The following ADAMTS12 variants were observed in gnomAD, a reference collection of about 807,000 sequenced individuals.
ADAMTS12 encodes A disintegrin and metalloproteinase with thrombospondin motifs 12.
ADAMTS12 carries 118 observed loss-of-function variants against 167.8 expected under a neutral mutation model. The observed-to-expected ratio is 0.70, with a 90% CI of 0.61 to 0.82. The LOEUF (loss-of-function observed/expected upper bound fraction) is 0.82. ADAMTS12 is among the 40% of genes least tolerant of loss of function. The probability of loss-of-function intolerance (pLI) is 0.00; values close to 1 mark genes in which losing one functional copy is unlikely to be tolerated. For missense variants in ADAMTS12, 1,916 were observed against 1,998.8 expected (o/e 0.96, Z 0.79); for synonymous variants, 704 against 716.9 (o/e 0.98, Z 0.29).
chr5:33,626,058 A>G (rs1440811607), intron 13 of ADAMTS12, among the ~76,000 whole-genome samples: 1 of 152,170 alleles, frequency 6.6e-6, no homozygotes, highest in Non-Finnish European at 1.5e-5. Flanking sequence ...CCCTTTTCTG[A>G]TGTGACTCTG....
intron 20 of ADAMTS12, among the ~76,000 whole-genome samples, chr5:33,553,924 C>T (rs1430657745): frequency 1.3e-5 from 2 of 152,182 alleles, no homozygotes; most frequent in African/African-American, 4.8e-5. Flanking sequence ...CATGGGTCTG[C>T]CTGTCCTTCT....
chr5:33,615,343 T>C (rs1483761349), intron 15 of ADAMTS12, among the ~76,000 whole-genome samples: 1 of 152,224 alleles, frequency 6.6e-6, no homozygotes, highest in African/African-American at 2.4e-5. Context: ...GGTATATTCA[T>C]TCCACTCCTT....
At chr5:33,837,139 C>T (rs1021035977) in intron 2 of ADAMTS12, among the ~76,000 whole-genome samples, 7 of 152,066 alleles carry the variant, frequency 4.6e-5, no homozygotes, top group African/African-American at 1.5e-4. Flanking sequence ...GTCCCTCTGG[C>T]TGTCCTGTGT....
intron 11 of ADAMTS12, among the ~76,000 whole-genome samples, chr5:33,640,451 T>G (rs1334135254): frequency 6.6e-6 from 1 of 152,164 alleles, no homozygotes; most frequent in African/African-American, 2.4e-5. Flanking sequence ...GCATTGACAA[T>G]AAGTCCCAGA....
At chr5:33,841,660 C>G (rs1197167774) in intron 2 of ADAMTS12, among the ~76,000 whole-genome samples, 2 of 152,188 alleles carry the variant, frequency 1.3e-5, no homozygotes, top group East Asian at 1.9e-4. Context: ...CTTGCAACCT[C>G]TGGCATAAAT....
At chr5:33,763,848 T>C (rs1474013711) in intron 2 of ADAMTS12, among the ~76,000 whole-genome samples, 1 of 152,242 alleles carries the variant, frequency 6.6e-6, no homozygotes, top group African/African-American at 2.4e-5. Flanking sequence ...ATGGAGAGCT[T>C]GGGCTTTACA....
chr5:33,648,431 A>T (rs764690215), intron 9 of ADAMTS12, among the ~76,000 whole-genome samples: 2 of 152,218 alleles, frequency 1.3e-5, no homozygotes, highest in Non-Finnish European at 2.9e-5. Flanking sequence ...AAGAAGAATG[A>T]ATTGGTGAAT....
At chr5:33,758,772 C>T (rs1213259958) in intron 2 of ADAMTS12, among the ~76,000 whole-genome samples, 1 of 152,108 alleles carries the variant, frequency 6.6e-6, no homozygotes, top group Non-Finnish European at 1.5e-5. Context: ...GGACACACTC[C>T]AACATACCCA....
At chr5:33,536,028 A>T (rs1353327236) in intron 22 of ADAMTS12, among the ~76,000 whole-genome samples, 1 of 152,226 alleles carries the variant, frequency 6.6e-6, no homozygotes, top group Non-Finnish European at 1.5e-5. Flanking sequence ...CTGGGAAAGC[A>T]GTTTACATAA....
intron 2 of ADAMTS12, among the ~76,000 whole-genome samples, chr5:33,871,476 T>C (rs1750035759): frequency 1.3e-5 from 2 of 152,084 alleles, no homozygotes; most frequent in African/African-American, 2.4e-5. Flanking sequence ...GCAAATAGTA[T>C]TTAGTGATAT....
chr5:33,872,884 C>A (rs1750093396), intron 2 of ADAMTS12, among the ~76,000 whole-genome samples: 1 of 152,112 alleles, frequency 6.6e-6, no homozygotes, highest in Non-Finnish European at 1.5e-5. Context: ...AAACACTTGA[C>A]AAAATCCAAC....
At chr5:33,544,833 C>T (rs1308118599) in intron 22 of ADAMTS12, among the ~76,000 whole-genome samples, 1 of 152,294 alleles carries the variant, frequency 6.6e-6, no homozygotes, top group East Asian at 1.9e-4. Context: ...AACTGGATCC[C>T]TTCCTTACAC....
intron 20 of ADAMTS12, among the ~76,000 whole-genome samples, chr5:33,553,049 G>C (rs934820082): frequency 2.6e-5 from 4 of 152,022 alleles, no homozygotes; most frequent in African/African-American, 9.7e-5. Context: ...AAAAAAGTGA[G>C]CAAAGGACAT....
At chr5:33,849,246 CAATA>C (rs1413168740) in intron 2 of ADAMTS12, among the ~76,000 whole-genome samples, 1 of 78,778 alleles carries the variant, frequency 1.3e-5, no homozygotes. Flanking sequence ...TATTGCATAG[CAATA>C]TATATATATG....
chr5:33,658,386 CCTCCTGG>C, intron 6 of ADAMTS12, 53 bp from the exon 7 acceptor site: 1 of 1,591,390 alleles, frequency 6.3e-7, no homozygotes, highest in Admixed American at 1.8e-5. Context: ...TCTGGAAAAA[CCTCCTGG>C]AAAAAAATCT....
At chr5:33,715,244 A>C (rs1743560585) in intron 3 of ADAMTS12, among the ~76,000 whole-genome samples, 1 of 152,046 alleles carries the variant, frequency 6.6e-6, no homozygotes, top group Non-Finnish European at 1.5e-5. Context: ...ACAAGGGTTG[A>C]GCTTCATATG....
chr5:33,588,859 G>T (rs766184072), intron 17 of ADAMTS12, 50 bp from the exon 18 acceptor site: 2 of 1,595,926 alleles, frequency 1.3e-6, no homozygotes, highest in Non-Finnish European at 1.7e-6. Context: ...TTACGCATAT[G>T]TTCCATTCAA....
chr5:33,620,083 G>A (rs375164988), intron 14 of ADAMTS12, among the ~76,000 whole-genome samples: 1 of 152,338 alleles, frequency 6.6e-6, no homozygotes. Flanking sequence ...AAAGCTACAT[G>A]AAAGATAAAA....
At chr5:33,587,270 G>C (rs141971984) in intron 18 of ADAMTS12, among the ~76,000 whole-genome samples, 5 of 152,244 alleles carry the variant, frequency 3.3e-5, no homozygotes, top group Non-Finnish European at 5.9e-5. Flanking sequence ...CAGGTGAAAA[G>C]CAATCTGTCA....
Sources: gnomAD v4.1 joint callset for allele counts (sites outside exome capture counted in the v4.1 genomes callset) on GRCh38, gnomAD v4.1.1 for gene constraint, MANE v1.5 for transcripts, NCBI Gene and HGNC (gene_info 2026-07-23, HGNC 2026-07-21) for gene names.